Variants in ANKRD36 observed in about 807,000 individuals in gnomAD.
The protein encoded by ANKRD36 is ankyrin repeat domain-containing protein 36A.
A neutral mutation model predicts 278.1 loss-of-function variants in ANKRD36; 179 were observed. The ratio of observed to expected loss-of-function variants is 0.64; its 90% CI spans 0.57 to 0.73. The LOEUF is 0.73. ANKRD36 is among the 30% of genes least tolerant of loss of function. ANKRD36 has a pLI of 0.00. For synonymous variants in ANKRD36, 320 were observed against 641.1 expected (o/e 0.50, Z 7.57); for missense variants, 1,159 against 1,956.7 (o/e 0.59, Z 7.69).
At chr2:97,125,677 A>G (rs1451494796) in intron 5 of ANKRD36, among the ~76,000 whole-genome samples, 3 of 151,464 alleles carry the variant, frequency 2.0e-5, no homozygotes, top group African/African-American at 7.3e-5. Flanking sequence ...AGTAGTAGGT[A>G]TCAACTTGTG....
Position 97,211,681 on chromosome 2 carries a change from A to G in ANKRD36, c.3409A>G (p.Lys1137Glu), listed in dbSNP as rs1224837261. The G allele has an allele frequency of 6.3e-7, 1 of 1,594,742 alleles. No homozygotes were observed. Among genetic ancestry groups the G allele is most frequent in the South Asian group, 1.1e-5 (1 of 87,874 alleles). The change falls in exon 58 of 76, where the codon AAG becomes GAG. Residue 1137 changes from lysine (K) to glutamate (E), a missense_variant. Transcript: ENST00000420699. The stretch of plus-strand genomic sequence containing the variant: ...AAATTCTATTCAGGCTATCTGTGAC[A>G]AGGAAGATTCTGTTCCGAATATGGC... The part of the protein sequence containing the change: ...KQPALKAICD[K>E]EDSVPNMATE...
Position 97,200,348 on chromosome 2 carries a change from A to C in ANKRD36, c.2770A>C (p.Lys924Gln), listed in dbSNP as rs1302801613. 1 of 1,606,704 alleles carries C rather than the reference A, an allele frequency of 6.2e-7. No homozygotes were observed. The highest frequency in any genetic ancestry group is 8.5e-7 in the Non-Finnish European group (1 of 1,178,696). The change falls in exon 45 of 76, where the codon AAA (lysine) becomes CAA (glutamine). Residue 924 changes from lysine to glutamine, a missense_variant. Coordinates refer to ENST00000420699, the MANE Select transcript of ANKRD36 (RefSeq NM_001354587.1). Reference protein sequence around the residue: ...EKTKRVSSRKKPSLEATSDEK... With the variant: ...EKTKRVSSRKQPSLEATSDEK... Reference sequence around the variant, plus strand: ...TTGCTTTTCAGTGTCTTCTCGGAAAAAACCATCCTTGGAGGTAATGAAACT... The same window carrying C: ...TTGCTTTTCAGTGTCTTCTCGGAAACAACCATCCTTGGAGGTAATGAAACT...
chr2:97,175,956 G>A (rs931928326), intron 22 of ANKRD36, among the ~76,000 whole-genome samples: 4 of 151,850 alleles, frequency 2.6e-5, no homozygotes, highest in African/African-American at 9.7e-5. Flanking sequence ...TCTTAATCCT[G>A]AATTCTAGTT....
chr2:97,147,186 G>A (rs2923986), intron 11 of ANKRD36, among the ~76,000 whole-genome samples: 1 of 151,796 alleles, frequency 6.6e-6, no homozygotes, highest in Non-Finnish European at 1.5e-5. Context: ...TCTAATTCAT[G>A]TCTCTACTTA....
At position 97,211,713 on chromosome 2, in the gene ANKRD36, A is replaced by G. The variant is rs2064680047; in HGVS notation, c.3441A>G (p.Glu1147=). 2 of 1,589,950 alleles carry G rather than the reference A, an allele frequency of 1.3e-6. No individual in the cohort carries two copies. Among genetic ancestry groups the G allele is most frequent in the East Asian group, 2.4e-5 (1 of 42,526 alleles). The change falls in exon 58 of 76, where the codon GAA becomes GAG. Residue 1147 remains glutamate (E), a synonymous_variant. Coordinates refer to ENST00000420699, the MANE Select transcript of ANKRD36 (RefSeq NM_001354587.1). ...ATTCTGTTCCGAATATGGCCACGGA[A>G]AAAAAGGATGAACAAATATCTGGGA... is the stretch of plus-strand genomic sequence containing the variant. ...KEDSVPNMAT[E]KKDEQISGTV...
intron 6 of ANKRD36, among the ~76,000 whole-genome samples, chr2:97,131,738 G>C (rs982601677): frequency 6.6e-6 from 1 of 151,770 alleles, no homozygotes; most frequent in African/African-American, 2.4e-5. Flanking sequence ...CTCTATGATC[G>C]ATAGTACAGT....
intron 4 of ANKRD36, among the ~76,000 whole-genome samples, chr2:97,123,613 T>TTTTA (rs1167709168): frequency 1.5e-5 from 1 of 64,676 alleles, no homozygotes; most frequent in Non-Finnish European, 5.2e-5. Flanking sequence ...GTAAGTAACA[T>TTTTA]TATATATATA....
intron 14 of ANKRD36, among the ~76,000 whole-genome samples, chr2:97,153,644 T>C (rs900460576): frequency 6.8e-6 from 1 of 146,542 alleles, no homozygotes; most frequent in Non-Finnish European, 1.5e-5. Flanking sequence ...CATTCTGTCA[T>C]TGAGTGATTT....
At chr2:97,180,959 C>T (rs369577568) in intron 24 of ANKRD36, among the ~76,000 whole-genome samples, 130 of 151,594 alleles carry the variant, frequency 8.6e-4, no homozygotes, top group African/African-American at 3.0e-3. Flanking sequence ...TTGCCATGAG[C>T]GGATGAAGAA....
intron 20 of ANKRD36, among the ~76,000 whole-genome samples, chr2:97,165,813 T>C (rs181203577): frequency 8.6e-5 from 13 of 150,820 alleles, no homozygotes; most frequent in South Asian, 4.2e-4. Context: ...TTCTGTTTTA[T>C]ATATTTGTTT....
intron 50 of ANKRD36, among the ~76,000 whole-genome samples, chr2:97,205,241 A>G (rs1032778601): frequency 2.0e-4 from 30 of 151,624 alleles, no homozygotes; most frequent in African/African-American, 4.6e-4. Flanking sequence ...TTGATAATTG[A>G]TGATATTTTT....
intron 36 of ANKRD36, 75 bp from the exon 37 acceptor site, chr2:97,192,783 C>A: frequency 7.2e-6 from 11 of 1,525,600 alleles, no homozygotes; most frequent in Non-Finnish European, 9.9e-6. Context: ...GAGGTTGATA[C>A]AAACACTTCA....
intron 28 of ANKRD36, among the ~76,000 whole-genome samples, chr2:97,184,961 A>AT (rs2057080932): frequency 6.6e-6 from 1 of 151,766 alleles, no homozygotes; most frequent in Non-Finnish European, 1.5e-5. Context: ...GACATGGAGG[A>AT]TGATGTAGCA....
intron 15 of ANKRD36, 74 bp downstream of exon 15, chr2:97,154,815 A>T (rs2047054660): frequency 8.2e-7 from 1 of 1,222,502 alleles, no homozygotes; most frequent in Non-Finnish European, 1.1e-6. Flanking sequence ...TCTAGCAAAT[A>T]ATAGGTAGCA....
intron 17 of ANKRD36, among the ~76,000 whole-genome samples, chr2:97,161,036 G>C (rs1323274854): frequency 6.6e-6 from 1 of 152,002 alleles, no homozygotes; most frequent in East Asian, 1.9e-4. Flanking sequence ...AAAACTTCAG[G>C]GTTCTTCATA....
Position 97,211,570 on chromosome 2 carries a change from T to C in ANKRD36, c.3392T>C (p.Leu1131Ser), listed in dbSNP as rs1215011804. ...RTVSSPKQPA[L>S]KAICDKEDSV... ...GTGTCTTCTCCGAAACAACCAGCAT[T>C]GAAGGTAATTAAGCTCTCATTTATA... Residue 1131 changes from leucine to serine, a missense_variant, in exon 57 of 76, where the codon TTG (leucine) becomes TCG (serine). By Grantham distance (145) the Leu-to-Ser change is moderately radical. Transcript: ENST00000420699. The C allele has an allele frequency of 1.9e-6, 3 of 1,607,056 alleles. 1 individual carries two copies. In the South Asian group the frequency reaches 3.3e-5, roughly 18 times the overall value.
At chr2:97,209,477 T>TTG (rs2063773292) in intron 54 of ANKRD36, among the ~76,000 whole-genome samples, 1 of 146,344 alleles carries the variant, frequency 6.8e-6, no homozygotes, top group Admixed American at 6.8e-5. Flanking sequence ...ATGTTTGAAA[T>TTG]TGTAAGGGTA....
rs545782273 is a variant in ANKRD36 at position 97,198,613 on chromosome 2, T to A, written c.2710T>A (p.Leu904Met). Residue 904 changes from leucine (L) to methionine (M), a missense_variant, in exon 44 of 76, where the codon TTG becomes ATG. Transcript: ENST00000420699. ...TTCAAGTGCCGAGAAAGATTCTGTTTTGAATATAGCCAGAGGAAAAAAGGA... is the reference window on the plus strand; with the variant it reads ...TTCAAGTGCCGAGAAAGATTCTGTTATGAATATAGCCAGAGGAAAAAAGGA... ...KASSAEKDSV[L>M]NIARGKKDGE... 6.5e-7 allele frequency: 1 copy of A among 1,545,364 alleles called. No individual in the cohort carries two copies. Among genetic ancestry groups the A allele is most frequent in the Non-Finnish European group, 8.7e-7 (1 of 1,143,744 alleles).
At chr2:97,122,853 T>A (rs1163505718) in intron 3 of ANKRD36, 34 bp from the exon 4 acceptor site, 1 of 1,514,632 alleles carries the variant, frequency 6.6e-7, no homozygotes, top group East Asian at 2.5e-5. Context: ...AATATGTAAT[T>A]TTGTGATTAT....
Sources: gnomAD v4.1 joint callset for allele counts (sites outside exome capture counted in the v4.1 genomes callset) on GRCh38, gnomAD v4.1.1 for gene constraint, MANE v1.5 for transcripts, NCBI Gene and HGNC (gene_info 2026-07-23, HGNC 2026-07-21) for gene names.